Variants in SEMA4G observed in about 807,000 individuals in gnomAD.
SEMA4G encodes the protein semaphorin 4G, also known as semaphorin-4G.
Under a neutral mutation model 81.2 loss-of-function variants are expected in SEMA4G, and 59 were observed. The observed-to-expected ratio is 0.73, with a 90% CI of 0.59 to 0.90. The LOEUF is 0.90. Ranked by LOEUF, SEMA4G falls within the 40% of genes least tolerant of loss-of-function variation. The pLI, the probability that SEMA4G is intolerant of heterozygous loss-of-function variation, is 0.00. For synonymous variants in SEMA4G, 404 were observed against 433.9 expected (o/e 0.93, Z 0.86); for missense variants, 952 against 1,102.3 (o/e 0.86, Z 1.93).
exon 9 of SEMA4G, chr10:100,979,947 C>T: frequency 6.2e-7 from 1 of 1,614,132 alleles, no homozygotes; most frequent in Admixed American, 1.7e-5. Flanking sequence ...GTTCCCGGCG[C>T]TGGGGTCGCT....
exon 6 of SEMA4G, chr10:100,978,550 A>G: frequency 6.2e-7 from 1 of 1,614,130 alleles, no homozygotes; most frequent in South Asian, 1.1e-5. Context: ...CACAGCCACT[A>G]GGTATGAATT....
exon 14 of SEMA4G, chr10:100,983,321 G>A: frequency 6.4e-7 from 1 of 1,557,790 alleles, no homozygotes; most frequent in Non-Finnish European, 8.7e-7. Context: ...CACCACCACT[G>A]AAGACCCGCT....
intron 3 of SEMA4G, among the ~76,000 whole-genome samples, chr10:100,975,982 G>C (rs1297005446): frequency 6.6e-6 from 1 of 152,182 alleles, no homozygotes; most frequent in Non-Finnish European, 1.5e-5. Flanking sequence ...GCACTGGATG[G>C]ATGAAAATAG....
chr10:100,974,974 C>T (rs757510366), intron 3 of SEMA4G: 1 of 524,510 alleles, frequency 1.9e-6, no homozygotes, highest in Admixed American at 2.1e-5. Flanking sequence ...AAAAAATTCC[C>T]AAGATCCACT....
intron 3 of SEMA4G, among the ~76,000 whole-genome samples, chr10:100,976,840 GAATA>G (rs1850812175): frequency 6.6e-6 from 1 of 152,178 alleles, no homozygotes; most frequent in African/African-American, 2.4e-5. Context: ...TTCATTGACT[GAATA>G]AATAGCTTTA....
chr10:100,972,820 G>C lies in SEMA4G; in HGVS notation c.-93G>C. The C allele has an allele frequency of 7.1e-7, 1 of 1,410,312 alleles. No individual in the cohort carries two copies. The highest frequency in any genetic ancestry group is 1.4e-5 in the African/African-American group (1 of 69,234). 87.4% of individuals were successfully genotyped at this position (1,410,312 alleles called of 1,614,324 possible). On this transcript the variant is annotated 5_prime_UTR_variant, in exon 1 of 14. The change abolishes the stop of an existing upstream ORF in the 5' untranslated region. Coordinates refer to ENST00000370250, the Ensembl canonical transcript of SEMA4G. Reference sequence around the variant, plus strand: ...CTTCCAAGTGACTTCCTTGGACTTTGACCCCTGTGACTGTGCTTCCCATTC... The same window carrying C: ...CTTCCAAGTGACTTCCTTGGACTTTCACCCCTGTGACTGTGCTTCCCATTC...
At chr10:100,977,594 G>C in intron 3 of SEMA4G, 38 bp from the exon 5 acceptor site, 1 of 1,538,598 alleles carries the variant, frequency 6.5e-7, no homozygotes, top group Non-Finnish European at 9.0e-7. Context: ...CTTCTAGTCA[G>C]GCAGGGGGCT....
exon 14 of SEMA4G, chr10:100,984,676 ATTC>A (rs1851337943): frequency 1.3e-6 from 2 of 1,536,208 alleles, no homozygotes; most frequent in South Asian, 1.2e-5. Context: ...CTCCTGGTGC[ATTC>A]TTGTTTCATC....
chr10:100,979,614 C>CT (rs1850960813), intron 8 of SEMA4G, among the ~76,000 whole-genome samples: 1 of 152,080 alleles, frequency 6.6e-6, no homozygotes, highest in African/African-American at 2.4e-5. Context: ...ATCTCTTGAC[C>CT]TCGTGATCTG....
At position 100,973,011 on chromosome 10, in the gene SEMA4G, C is replaced by T; in HGVS notation, c.99C>T (p.Thr33=). The change falls in exon 1 of 14, where the codon ACC becomes ACT. Residue 33 remains threonine, a synonymous_variant. Transcript: ENST00000370250. This position sits in a 1 kb window ranked among gnomAD's most constrained non-coding sequence, Gnocchi z 5.5. Reference sequence around the variant, plus strand: ...GACCGTCTAGAGAACTAGATGCCACCCCTCGGATGACCATACCCTATGAAG... The same window carrying T: ...GACCGTCTAGAGAACTAGATGCCACTCCTCGGATGACCATACCCTATGAAG... The T allele has an allele frequency of 6.2e-7, 1 of 1,614,128 alleles. No individual in the cohort carries two copies. The highest frequency in any genetic ancestry group is 8.5e-7 in the Non-Finnish European group (1 of 1,180,018).
In SEMA4G at chr10:100,979,507, C is replaced by T. The variant is rs548843342; in HGVS notation, c.983+236C>T. On this transcript the variant is annotated intron_variant, in intron 8 of 13. Coordinates refer to ENST00000370250, the Ensembl canonical transcript of SEMA4G. Reference sequence around the variant, plus strand: ...AAGTGATTATCCTGCCTCGGCCTCCCGAGTAGCTGGGACTATAGGCGTGTG... The same window carrying T: ...AAGTGATTATCCTGCCTCGGCCTCCTGAGTAGCTGGGACTATAGGCGTGTG... 16 of 1,145,330 alleles carry T rather than the reference C, an allele frequency of 1.4e-5. No individual in the cohort carries two copies. The East Asian group carries it at 1.6e-4, about 11-fold the overall frequency. 70.9% of individuals were successfully genotyped at this position (1,145,330 alleles called of 1,614,324 possible). A position where few individuals can be genotyped will look rare whatever the true frequency, so the allele number is the denominator to read the frequency against.
At chr10:100,980,594 C>T (rs1458448137) in exon 11 of SEMA4G, 2 of 1,614,116 alleles carry the variant, frequency 1.2e-6, no homozygotes, top group South Asian at 1.1e-5. Context: ...GCTGGATCCA[C>T]AAGGCCGTAG....
In SEMA4G at chr10:100,973,390, A is replaced by G. The variant is rs1850689820; in HGVS notation, c.273+113A>G. ...TTCCATAGCCCCCTGGTCAGACAGC[A>G]CTGCCCTTCCCAGCCCAGGTGTTCC... On this transcript the variant is annotated intron_variant, in intron 2 of 13. Transcript: ENST00000370250. This position sits in a 1 kb window ranked among gnomAD's most constrained non-coding sequence, Gnocchi z 5.5. 6.9e-7 allele frequency: 1 copy of G among 1,446,408 alleles called. No individual in the cohort carries two copies. Among genetic ancestry groups the G allele is most frequent in the Admixed American group, 2.0e-5 (1 of 50,834 alleles). 89.6% of individuals were successfully genotyped at this position (1,446,408 alleles called of 1,614,324 possible).
downstream of SEMA4G, chr10:100,984,882 T>C: frequency 6.8e-7 from 1 of 1,476,186 alleles, no homozygotes; most frequent in Non-Finnish European, 9.0e-7. Flanking sequence ...TTGGTCATTC[T>C]CAAGAGTATG....
intron 4 of SEMA4G, 166 bp downstream of exon 5, chr10:100,977,896 T>C: frequency 3.3e-6 from 2 of 614,788 alleles, no homozygotes; most frequent in East Asian, 2.8e-5. Context: ...TGGAGAACCA[T>C]TCCCCTTTGT....
At chr10:100,983,389 G>C in exon 14 of SEMA4G, 1 of 1,611,360 alleles carries the variant, frequency 6.2e-7, no homozygotes, top group Non-Finnish European at 8.5e-7. Context: ...AACCTGGCCC[G>C]GGCCTTGTGG....
At position 100,979,336 on chromosome 10, in the gene SEMA4G, A is replaced by G. The variant is rs961567821; in HGVS notation, c.983+65A>G. On this transcript the variant is annotated intron_variant, in intron 8 of 13. Transcript: ENST00000370250. ...AGCATAGGGGCTGGAGCAGAGGTCA[A>G]TGAGGATGAGATAGGATCCACTGTG... 6 of 1,613,932 alleles carry G rather than the reference A, an allele frequency of 3.7e-6. No individual in the cohort carries two copies. The African/African-American group carries it at 6.7e-5, about 18-fold the overall frequency.
chr10:100,984,959 G>T (rs941859324), downstream of SEMA4G: 60 of 1,412,014 alleles, frequency 4.2e-5, no homozygotes, highest in Non-Finnish European at 5.6e-5. Flanking sequence ...TATCACACAT[G>T]TGCTTACATT....
Position 100,981,276 on chromosome 10 carries a change from T to C in SEMA4G, c.1690+47T>C, listed in dbSNP as rs199867905. ...GGGTCTAGCTACGCAGACTGTCCTC[T>C]TTGCCATTTACTGCCATGTGTACGT... On this transcript the variant is annotated intron_variant, in intron 13 of 13. Coordinates refer to ENST00000370250, the Ensembl canonical transcript of SEMA4G. The C allele has an allele frequency of 1.3e-4, 214 of 1,607,306 alleles. No homozygotes were observed. The African/African-American group carries it at 2.6e-3, about 20-fold the overall frequency.
Sources: gnomAD v4.1 joint callset for allele counts (sites outside exome capture counted in the v4.1 genomes callset) on GRCh38, gnomAD v4.1.1 for gene constraint, Gnocchi (gnomAD v3.1) non-coding constraint, MANE v1.5 for transcripts, NCBI Gene and HGNC (gene_info 2026-07-23, HGNC 2026-07-21) for gene names.